XKR4: variants seen among roughly 807,000 people sequenced by gnomAD.
XKR4 encodes the protein XK related 4.
In XKR4, 12 loss-of-function variants were observed where a neutral mutation model predicts 53.9. The ratio of observed to expected loss-of-function variants is 0.22; its 90% confidence interval spans 0.14 to 0.36. The LOEUF is 0.36. Ranked by LOEUF, XKR4 falls within the 10% of genes least tolerant of loss-of-function variation. The probability of loss-of-function intolerance (pLI) is 1.00; values close to 1 mark genes in which losing one functional copy is unlikely to be tolerated. For missense variants in XKR4, 799 were observed against 859.5 expected, an observed-to-expected ratio of 0.93 and a Z score of 0.88; for synonymous variants, 354 against 362.4, an observed-to-expected ratio of 0.98 and a Z score of 0.26.
chr8:55,429,464 C>A (rs1805068629), intron 2 of XKR4, among the ~76,000 whole-genome samples: 1 of 151,884 alleles, frequency 6.6e-6, no homozygotes, highest in South Asian at 2.1e-4. Context: ...AATCCCAGAA[C>A]TTTGGGAGCC....
At chr8:55,312,236 A>C (rs866974271) in intron 1 of XKR4, among the ~76,000 whole-genome samples, 1 of 151,768 alleles carries the variant, frequency 6.6e-6, no homozygotes, top group Middle Eastern at 3.4e-3. Flanking sequence ...AAAATAGGAG[A>C]TTAGACCAGG....
chr8:55,453,167 G>A (rs1805482793), intron 2 of XKR4: 3 of 509,042 alleles, frequency 5.9e-6, no homozygotes, highest in South Asian at 3.0e-5. Flanking sequence ...CACACCACGT[G>A]CTCCTGCACA....
At chr8:55,431,496 G>T (rs947940261) in intron 2 of XKR4, among the ~76,000 whole-genome samples, 2 of 152,134 alleles carry the variant, frequency 1.3e-5, no homozygotes, top group Admixed American at 1.3e-4. Flanking sequence ...AAAAAAAAGA[G>T]ATTTCAGAAA....
intron 2 of XKR4, among the ~76,000 whole-genome samples, chr8:55,518,038 C>T (rs923237493): frequency 6.6e-6 from 1 of 152,134 alleles, no homozygotes; most frequent in African/African-American, 2.4e-5. Context: ...TTATGGCCTC[C>T]TTAGAGAGAA....
At chr8:55,348,721 CAG>C (rs57415116) in intron 1 of XKR4, among the ~76,000 whole-genome samples, 138 of 150,084 alleles carry the variant, frequency 9.2e-4, no homozygotes, top group African/African-American at 2.5e-3. Flanking sequence ...CACACACACA[CAG>C]AGAGAGAGAT....
intron 2 of XKR4, chr8:55,454,175 G>A (rs2929043): frequency 0.4 from 395,905 of 979,418 alleles, 83,800 homozygotes; most frequent in East Asian, 0.51. Flanking sequence ...AACACTGTGC[G>A]TCTGACTCTG....
At chr8:55,289,405 C>T (rs908687174) in intron 1 of XKR4, among the ~76,000 whole-genome samples, 22 of 150,852 alleles carry the variant, frequency 1.5e-4, no homozygotes, top group Non-Finnish European at 2.8e-4. Context: ...ATCCTAGCTA[C>T]TTGGGAGGCT....
At chr8:55,259,669 C>G (rs563135810) in intron 1 of XKR4, among the ~76,000 whole-genome samples, 2 of 152,272 alleles carry the variant, frequency 1.3e-5, no homozygotes, top group East Asian at 3.9e-4. Flanking sequence ...GGCTCTTGCA[C>G]TGTAATGATG....
chr8:55,458,045 C>A (rs537013021), intron 2 of XKR4, among the ~76,000 whole-genome samples: 3 of 152,274 alleles, frequency 2.0e-5, no homozygotes, highest in Admixed American at 2.0e-4. Flanking sequence ...GTTAATATGA[C>A]AGTCCTCCCC....
intron 1 of XKR4, among the ~76,000 whole-genome samples, chr8:55,321,703 A>G (rs979103896): frequency 6.6e-6 from 1 of 152,206 alleles, no homozygotes; most frequent in Non-Finnish European, 1.5e-5. Flanking sequence ...TTAAAAACAT[A>G]TCTTGGGCCG....
At chr8:55,431,952 T>C (rs1805111040) in intron 2 of XKR4, among the ~76,000 whole-genome samples, 1 of 152,192 alleles carries the variant, frequency 6.6e-6, no homozygotes. Flanking sequence ...TTACGGGTTA[T>C]AGCATTTAGC....
chr8:55,159,588 G>T (rs1488844751), intron 1 of XKR4, among the ~76,000 whole-genome samples: 1 of 152,202 alleles, frequency 6.6e-6, no homozygotes, highest in Non-Finnish European at 1.5e-5. Flanking sequence ...TGATGAAAAA[G>T]TCTGAAGGCA....
chr8:55,103,069 C>T lies in XKR4; in HGVS notation c.581C>T (p.Thr194Met), dbSNP rs772262636. The T allele has an allele frequency of 9.3e-6, 15 of 1,612,506 alleles. No individual in the cohort carries two copies. Among genetic ancestry groups the T allele is most frequent in the Non-Finnish European group, 1.1e-5 (13 of 1,179,656 alleles). Residue 194 changes from threonine (T) to methionine (M), a missense_variant, in exon 1 of 3, where the codon ACG (threonine) becomes ATG (methionine). Thr to Met is a moderately conservative substitution (Grantham distance 81). This residue lies in a region of XKR4 where 476 missense variants were observed against 505.4 expected (regional missense o/e 0.94). Transcript: ENST00000327381. ...CCGCAGCCTGGAGCCGATTGCAAGA[C>T]GGTGGTCGGCGGTGGGTCTGCAGCC... ...SCPQPGADCK[T>M]VVGGGSAAGE...
intron 2 of XKR4, among the ~76,000 whole-genome samples, chr8:55,447,775 A>G (rs571745863): frequency 1.6e-4 from 24 of 152,356 alleles, no homozygotes; most frequent in African/African-American, 5.5e-4. Flanking sequence ...TCTAACCTGT[A>G]GAATTTTAAG....
Position 55,397,357 on chromosome 8 carries a change from C to CAG in XKR4, c.1006+39483_1006+39484dup, listed in dbSNP as rs1804536467. Among the ~76,000 whole-genome samples the CAG allele has an allele frequency of 2.0e-5, 3 of 152,248 alleles. No individual in the cohort carries two copies. The South Asian group carries it at 6.2e-4, about 32-fold the overall frequency. ...TTTCAGGAAACAATGCAGGGAAAGC[C>CAG]AGAGCCCTTCTCACTGCTTTATTCA... On this transcript the variant is annotated intron_variant, in intron 2 of 2. Coordinates refer to ENST00000327381, the MANE Select transcript of XKR4 (RefSeq NM_052898.2).
intron 1 of XKR4, among the ~76,000 whole-genome samples, chr8:55,345,155 A>G (rs1027161478): frequency 6.6e-6 from 1 of 151,880 alleles, no homozygotes; most frequent in Non-Finnish European, 1.5e-5. Flanking sequence ...GGTGGTGCAC[A>G]CCACACCTAC....
chr8:55,405,828 GGCCTCTGTTAAAGGAGAAT>G (rs1804671453), intron 2 of XKR4, among the ~76,000 whole-genome samples: 1 of 152,170 alleles, frequency 6.6e-6, no homozygotes, highest in Non-Finnish European at 1.5e-5. Flanking sequence ...AGTGTTCAGA[GGCCTCTGTTAAAGGAGAAT>G]GTGTGTGATG....
intron 1 of XKR4, among the ~76,000 whole-genome samples, chr8:55,182,786 C>A (rs1817327060): frequency 1.3e-5 from 2 of 149,016 alleles, no homozygotes; most frequent in African/African-American, 5.0e-5. Context: ...GACCTTTTGC[C>A]TTTCATATAA....
At chr8:55,200,864 A>G (rs185043430) in intron 1 of XKR4, among the ~76,000 whole-genome samples, 1 of 152,368 alleles carries the variant, frequency 6.6e-6, no homozygotes, top group Admixed American at 6.5e-5. Context: ...GTAATAAACT[A>G]AGAACTTTAT....
Sources: allele counts gnomAD v4.1 joint callset (sites outside exome capture counted in the v4.1 genomes callset), GRCh38; gene constraint gnomAD v4.1.1; regional missense constraint gnomAD v4.1.1; transcripts MANE v1.5; gene names NCBI Gene and HGNC (gene_info 2026-07-23, HGNC 2026-07-21).